The following NUP160 variants were observed in gnomAD, a reference collection of about 807,000 sequenced individuals.
The protein encoded by NUP160 is nuclear pore complex protein Nup160.
NUP160 carries 94 observed loss-of-function variants against 196.9 expected under a neutral mutation model. That is an observed-to-expected ratio of 0.48 (90% CI 0.40 to 0.57). The LOEUF (loss-of-function observed/expected upper bound fraction) is 0.57. NUP160 is among the 20% of genes least tolerant of loss of function. The probability of loss-of-function intolerance (pLI) is 0.00; values close to 1 mark genes in which losing one functional copy is unlikely to be tolerated. For missense variants in NUP160, 1,638 were observed against 1,748.3 expected, an observed-to-expected ratio of 0.94 and a Z score of 1.13; for synonymous variants, 605 against 619.7, an observed-to-expected ratio of 0.98 and a Z score of 0.35.
At position 47,839,791 on chromosome 11, in the gene NUP160, A is replaced by T. The variant is rs1032880420; in HGVS notation, c.748+52T>A. ...TGGATGACGAGGTTGAACTGTTTCA[A>T]TGTTAACATTCCTTGTTTAAAGTTA... On this transcript the variant is annotated intron_variant, in intron 4 of 35. Coordinates refer to ENST00000378460, the Ensembl canonical transcript of NUP160. 2.8e-6 allele frequency: 4 copies of T among 1,429,862 alleles called. No individual in the cohort carries two copies. The African/African-American group carries it at 5.6e-5, about 20-fold the overall frequency. The allele number at this position is 1,429,862 out of a possible 1,614,324, so 88.6% of individuals were successfully genotyped here.
intron 23 of NUP160, among the ~76,000 whole-genome samples, chr11:47,800,248 A>G (rs1189372226): frequency 6.6e-6 from 1 of 151,730 alleles, no homozygotes; most frequent in Non-Finnish European, 1.5e-5. Flanking sequence ...CTCAAAAAAA[A>G]AAGGAAAAAA....
chr11:47,818,872 A>G (rs1013771658), intron 10 of NUP160, among the ~76,000 whole-genome samples: 18 of 152,226 alleles, frequency 1.2e-4, no homozygotes, highest in African/African-American at 3.9e-4. Context: ...AGAGTGCAGT[A>G]ATATTCAATT....
chr11:47,813,001 C>T (rs2097682043), exon 15 of NUP160: 2 of 1,612,302 alleles, frequency 1.2e-6, no homozygotes, highest in African/African-American at 2.7e-5. Context: ...CTTCAATCAG[C>T]CGGAGGCATT....
At chr11:47,813,735 A>G (rs1372575476) in intron 13 of NUP160, among the ~76,000 whole-genome samples, 1 of 151,588 alleles carries the variant, frequency 6.6e-6, no homozygotes, top group Non-Finnish European at 1.5e-5. Flanking sequence ...CTGGGGTGGG[A>G]GGATCACCTG....
At chr11:47,792,699 G>T in intron 28 of NUP160, 87 bp downstream of exon 28, 1 of 1,217,684 alleles carries the variant, frequency 8.2e-7, no homozygotes, top group Non-Finnish European at 1.1e-6. Flanking sequence ...GAAGCAAAAT[G>T]ACACAATAGT....
chr11:47,847,275 T>G (rs373124706), intron 2 of NUP160, among the ~76,000 whole-genome samples: 1 of 152,292 alleles, frequency 6.6e-6, no homozygotes, highest in East Asian at 1.9e-4. Flanking sequence ...TCAGGGTAAC[T>G]GTGAATTCCT....
At chr11:47,832,599 A>C (rs1852099335) in intron 7 of NUP160, among the ~76,000 whole-genome samples, 1 of 152,188 alleles carries the variant, frequency 6.6e-6, no homozygotes, top group Admixed American at 6.5e-5. Flanking sequence ...CCACACTCCT[A>C]CAATTGCATC....
At chr11:47,806,852 C>CACACACACACACACATAT (rs1428564239) in intron 19 of NUP160, among the ~76,000 whole-genome samples, 1 of 124,252 alleles carries the variant, frequency 8.0e-6, no homozygotes, top group African/African-American at 3.2e-5. Flanking sequence ...CACACACACA[C>CACACACACACACACATAT]ATATATATAC....
chr11:47,844,321 G>A lies in NUP160; in HGVS notation c.314+3527C>T, dbSNP rs150082492. On this transcript the variant is annotated intron_variant, in intron 2 of 35. Coordinates refer to ENST00000378460, the Ensembl canonical transcript of NUP160. ...TTTAGAAGCCCAGATCTTAGATCAC[G>A]TCATTCCTCCACTTTAACCTTCCAC... Among the ~76,000 whole-genome samples the A allele has an allele frequency of 2.3e-3, 356 of 152,240 alleles. 2 individuals are homozygous for A. The highest frequency in any genetic ancestry group is 8.1e-3 in the African/African-American group (335 of 41,548).
intron 10 of NUP160, 84 bp downstream of exon 10, chr11:47,819,290 G>T: frequency 1.0e-6 from 1 of 961,750 alleles, no homozygotes; most frequent in South Asian, 1.4e-5. Flanking sequence ...CCCAGCCTGG[G>T]CCACAGAGCG....
At chr11:47,815,918 T>G (rs1852444116) in intron 12 of NUP160, 28 bp downstream of exon 12, 1 of 1,541,500 alleles carries the variant, frequency 6.5e-7, no homozygotes, top group African/African-American at 1.4e-5. Flanking sequence ...TGGAAGGAAT[T>G]CTTATTCTTT....
chr11:47,815,790 C>T (rs867062434), intron 12 of NUP160, 141 bp from the exon 13 acceptor site: 3 of 889,142 alleles, frequency 3.4e-6, no homozygotes, highest in South Asian at 1.7e-5. Flanking sequence ...ATAGACTATG[C>T]AAATGTGTAT....
intron 34 of NUP160, 32 bp downstream of exon 34, chr11:47,783,041 T>C (rs1337570078): frequency 1.9e-6 from 3 of 1,587,912 alleles, no homozygotes; most frequent in East Asian, 2.2e-5. Flanking sequence ...AGTCAAACCA[T>C]TGTAAATTGG....
At chr11:47,842,405 C>G (rs1472685026) in intron 2 of NUP160, among the ~76,000 whole-genome samples, 2 of 152,166 alleles carry the variant, frequency 1.3e-5, no homozygotes, top group Non-Finnish European at 2.9e-5. Context: ...TGAATAATTC[C>G]TTCGCTTTCC....
intron 8 of NUP160, 33 bp downstream of exon 8, chr11:47,822,054 C>A: frequency 7.2e-7 from 1 of 1,388,024 alleles, no homozygotes; most frequent in Admixed American, 1.8e-5. Context: ...TTTTCTTGTA[C>A]TTATGTGATA....
Position 47,844,410 on chromosome 11 carries a change from T to C in NUP160, c.314+3438A>G, listed in dbSNP as rs570663173. Among the ~76,000 whole-genome samples, 8 of 152,346 alleles carry C rather than the reference T, an allele frequency of 5.3e-5. No individual in the cohort carries two copies. In the South Asian group the frequency reaches 1.7e-3, roughly 32 times the overall value. ...TAAAATAACCAACAAAGCCCTGATC[T>C]GGCCCTCAACTATCTCTTTCTTATT... On this transcript the variant is annotated intron_variant, in intron 2 of 35. Coordinates refer to ENST00000378460, the Ensembl canonical transcript of NUP160.
chr11:47,834,511 T>C (rs1852137624), intron 7 of NUP160, among the ~76,000 whole-genome samples: 1 of 152,174 alleles, frequency 6.6e-6, no homozygotes, highest in African/African-American at 2.4e-5. Context: ...AGGAAAAAAC[T>C]GCAAGAATGA....
exon 35 of NUP160, chr11:47,780,405 A>T: frequency 1.2e-6 from 2 of 1,613,896 alleles, no homozygotes; most frequent in Non-Finnish European, 1.7e-6. Flanking sequence ...TCAATAGAGG[A>T]GTATGGAAGC....
chr11:47,802,699 G>A (rs1464104059), intron 22 of NUP160, among the ~76,000 whole-genome samples: 2 of 152,198 alleles, frequency 1.3e-5, no homozygotes, highest in Admixed American at 6.5e-5. Flanking sequence ...TTTGGGCTGT[G>A]TGCAGTGGCT....
Sources: gnomAD v4.1 joint callset for allele counts (sites outside exome capture counted in the v4.1 genomes callset) on GRCh38, gnomAD v4.1.1 for gene constraint, MANE v1.5 for transcripts, NCBI Gene and HGNC (gene_info 2026-07-23, HGNC 2026-07-21) for gene names.